Variants in SORL1 observed in about 807,000 individuals in gnomAD.
SORL1 encodes sortilin-related receptor.
A neutral mutation model predicts 273.7 loss-of-function variants in SORL1; 127 were observed. The observed-to-expected ratio is 0.46, with a 90% CI of 0.40 to 0.54. The LOEUF is 0.54. SORL1 is among the 20% of genes least tolerant of loss of function. The pLI, the probability that SORL1 is intolerant of heterozygous loss-of-function variation, is 0.00. For missense variants in SORL1, 2,494 were observed against 2,846.1 expected (o/e 0.88, Z 2.81); for synonymous variants, 1,031 against 1,067.4 (o/e 0.97, Z 0.66).
At position 121,615,075 on chromosome 11, in the gene SORL1, C is replaced by G. The variant is rs763847842; in HGVS notation, c.5604+20C>G. 1 of 1,577,560 alleles carries G rather than the reference C, an allele frequency of 6.3e-7. No homozygotes were observed. Among genetic ancestry groups the G allele is most frequent in the South Asian group, 1.2e-5 (1 of 86,584 alleles). On this transcript the variant is annotated intron_variant, in intron 41 of 47. Transcript: ENST00000260197. The stretch of plus-strand genomic sequence containing the variant: ...AATGTGGTGAGTCAGCCAGAATGAC[C>G]ATCACAAAGTGAGTGTGGACTGTCC...
chr11:121,598,953 C>CT (rs925173639), intron 32 of SORL1, among the ~76,000 whole-genome samples: 2 of 152,090 alleles, frequency 1.3e-5, no homozygotes, highest in Non-Finnish European at 2.9e-5. Flanking sequence ...ACCTAGAGGT[C>CT]TTTTTTTCAA....
At position 121,554,007 on chromosome 11, in the gene SORL1, C is replaced by T. The variant is rs538244145; in HGVS notation, c.2337C>T (p.Thr779=). 11 of 1,614,170 alleles carry T rather than the reference C, an allele frequency of 6.8e-6. 1 individual carries two copies. The highest frequency in any genetic ancestry group is 5.5e-5 in the South Asian group (5 of 91,076). The change falls in exon 17 of 48, where the codon ACC becomes ACT. Residue 779 remains threonine (T), a synonymous_variant. Transcript: ENST00000260197. This position sits in a 1 kb window ranked among gnomAD's most constrained non-coding sequence, Gnocchi z 4.6. ...GCTATGACCTGGCCTCGGGAGCCACCGAGCAGTTGCCTCTCACCGGGCTAC... is the reference window on the plus strand; with the variant it reads ...GCTATGACCTGGCCTCGGGAGCCACTGAGCAGTTGCCTCTCACCGGGCTAC... ...IYRYDLASGA[T]EQLPLTGLRA... is the part of the protein sequence containing the mutation.
At chr11:121,575,462 A>G (rs1045211586) in intron 24 of SORL1, among the ~76,000 whole-genome samples, 2 of 152,236 alleles carry the variant, frequency 1.3e-5, no homozygotes, top group African/African-American at 4.8e-5. Context: ...CTCCCTGTCC[A>G]CGGGGGGCAG....
At chr11:121,605,978 G>A (rs1160455108) in intron 35 of SORL1, among the ~76,000 whole-genome samples, 1 of 152,184 alleles carries the variant, frequency 6.6e-6, no homozygotes, top group Non-Finnish European at 1.5e-5. Context: ...CTGGAGTGCA[G>A]TGGAGGCGCA....
intron 32 of SORL1, among the ~76,000 whole-genome samples, chr11:121,601,956 G>T (rs1287221097): frequency 6.6e-6 from 1 of 152,144 alleles, no homozygotes; most frequent in Non-Finnish European, 1.5e-5. Context: ...TCAGATTAAT[G>T]TACTTGTTTG....
chr11:121,553,905 C>A, intron 16 of SORL1, 32 bp from the exon 17 acceptor site: 1 of 1,598,236 alleles, frequency 6.3e-7, no homozygotes. Context: ...TCCCCTGGGT[C>A]CAACCTCCCA....
intron 27 of SORL1, 131 bp from the exon 28 acceptor site, chr11:121,587,889 T>C: frequency 2.0e-6 from 2 of 1,007,146 alleles, no homozygotes; most frequent in Non-Finnish European, 2.9e-6. Flanking sequence ...AGAAAACAAG[T>C]GCTCAATAAA....
intron 3 of SORL1, among the ~76,000 whole-genome samples, chr11:121,482,925 T>C (rs1238337479): frequency 6.6e-6 from 1 of 152,224 alleles, no homozygotes; most frequent in Admixed American, 6.5e-5. Flanking sequence ...ATGTGAGTTT[T>C]GGGTCTATTT....
intron 25 of SORL1, among the ~76,000 whole-genome samples, chr11:121,581,886 C>T (rs373096656): frequency 3.8e-4 from 57 of 151,362 alleles, no homozygotes; most frequent in African/African-American, 1.2e-3. Flanking sequence ...AGCAAGGTGT[C>T]GGTGAGGGAT....
At chr11:121,488,548 A>G (rs1431966485) in intron 4 of SORL1, among the ~76,000 whole-genome samples, 1 of 152,174 alleles carries the variant, frequency 6.6e-6, no homozygotes, top group Non-Finnish European at 1.5e-5. Flanking sequence ...TGAGCTCTTC[A>G]GGGACCTTTT....
At chr11:121,611,471 A>T (rs1863562831) in intron 39 of SORL1, 1 of 196,634 alleles carries the variant, frequency 5.1e-6, no homozygotes, top group African/African-American at 2.3e-5. Context: ...TGTAATTTTC[A>T]GCTTTATTGG....
chr11:121,555,043 T>C (rs1862556452), intron 17 of SORL1, 144 bp from the exon 18 acceptor site: 11 of 852,340 alleles, frequency 1.3e-5, no homozygotes, highest in African/African-American at 1.7e-5. Flanking sequence ...CCTGGCTTCA[T>C]GTGTCTGGAA....
Position 121,590,181 on chromosome 11 carries a change from G to C in SORL1, c.4213+7G>C. ...GATGAGAAGGATTGTGGAGGTAAGA[G>C]GCCCCTGGGGCCTGGGTTAGCCCCA... On this transcript the variant is annotated splice_region_variant and intron_variant, in intron 30 of 47. Coordinates refer to ENST00000260197, the MANE Select transcript of SORL1 (RefSeq NM_003105.6). 4 of 1,613,790 alleles carry C rather than the reference G, an allele frequency of 2.5e-6. No homozygotes were observed. In the South Asian group the frequency reaches 4.4e-5, roughly 18 times the overall value.
intron 6 of SORL1, among the ~76,000 whole-genome samples, chr11:121,508,104 A>G (rs1237365569): frequency 3.3e-5 from 5 of 152,236 alleles, no homozygotes; most frequent in Non-Finnish European, 7.3e-5. Flanking sequence ...TTGAACCACT[A>G]AGTCTCTCAG....
At chr11:121,498,135 G>A (rs558831078) in intron 6 of SORL1, among the ~76,000 whole-genome samples, 1 of 152,214 alleles carries the variant, frequency 6.6e-6, no homozygotes, top group Non-Finnish European at 1.5e-5. Context: ...TTCTTGTCAG[G>A]CCATTTGCAT....
In SORL1 at chr11:121,578,811, C is replaced by A. The variant is rs538822613; in HGVS notation, c.3580+1411C>A. On this transcript the variant is annotated intron_variant, in intron 25 of 47. Transcript: ENST00000260197. ...AAGTCCACCCATGTTCTTTCTGGCG[C>A]AGCCTCTGTGTCTGCACCTCTGCTT... Among the ~76,000 whole-genome samples, 23 of 152,340 alleles carry A rather than the reference C, an allele frequency of 1.5e-4. No homozygotes were observed. In the South Asian group the frequency reaches 4.6e-3, roughly 30 times the overall value.
intron 11 of SORL1, among the ~76,000 whole-genome samples, chr11:121,525,587 C>G (rs747856570): frequency 6.6e-6 from 1 of 152,228 alleles, no homozygotes; most frequent in Non-Finnish European, 1.5e-5. Flanking sequence ...TTTGCCAACA[C>G]TTGGTATGAT....
chr11:121,532,266 C>T (rs990826615), intron 11 of SORL1, among the ~76,000 whole-genome samples, 198 bp from the exon 12 acceptor site: 2 of 152,196 alleles, frequency 1.3e-5, no homozygotes, highest in African/African-American at 4.8e-5. Context: ...AGAACTTGCT[C>T]CACCTGTCCC....
In SORL1 at chr11:121,605,447, T is replaced by C. The variant is rs1168484485; in HGVS notation, c.4824T>C (p.Asn1608=). ...GGAAGACTCTGGAGACCCACAGCAA[T>C]AAGACAAACACTGTATTAAAAGTCT... ...SIWKTLETHS[N]KTNTVLKVLK... is the part of the protein sequence containing the mutation. The change falls in exon 35 of 48, where the codon AAT becomes AAC. Residue 1608 remains asparagine, a synonymous_variant. Coordinates refer to ENST00000260197, the MANE Select transcript of SORL1 (RefSeq NM_003105.6). 6.2e-7 allele frequency: 1 copy of C among 1,613,820 alleles called. No individual in the cohort carries two copies. The highest frequency in any genetic ancestry group is 8.5e-7 in the Non-Finnish European group (1 of 1,179,922).
Sources: allele counts gnomAD v4.1 joint callset (sites outside exome capture counted in the v4.1 genomes callset), GRCh38; gene constraint gnomAD v4.1.1; non-coding constraint Gnocchi (gnomAD v3.1); transcripts MANE v1.5; gene names NCBI Gene and HGNC (gene_info 2026-07-23, HGNC 2026-07-21).